BFAR: variants seen among roughly 807,000 people sequenced by gnomAD.
The protein encoded by BFAR is bifunctional apoptosis regulator.
Under a neutral mutation model 54.4 loss-of-function variants are expected in BFAR, and 52 were observed. The observed-to-expected ratio is 0.96, with a 90% CI of 0.77 to 1.21. BFAR has a LOEUF of 1.21. Ranked by LOEUF, BFAR falls within the 50% of genes most tolerant of loss-of-function variation. The pLI is 0.00. For missense variants in BFAR, 571 were observed against 534.0 expected, an observed-to-expected ratio of 1.07 and a Z score of -0.68; for synonymous variants, 215 against 204.3, an observed-to-expected ratio of 1.05 and a Z score of -0.45.
At chr16:14,638,499 G>T (rs765479362) in intron 1 of BFAR, among the ~76,000 whole-genome samples, 2 of 152,222 alleles carry the variant, frequency 1.3e-5, no homozygotes, top group Non-Finnish European at 2.9e-5. Flanking sequence ...ATAAATGTAT[G>T]TTGAGTGAAG....
At chr16:14,650,503 A>G (rs1959937954) in intron 4 of BFAR, 1 of 151,840 alleles carries the variant, frequency 6.6e-6, no homozygotes, top group Non-Finnish European at 1.5e-5. Context: ...TTTCTCCCCA[A>G]CCCCCAGCCC....
chr16:14,654,113 G>A lies in BFAR; in HGVS notation c.639-953G>A, dbSNP rs537117345. Among the ~76,000 whole-genome samples, 150 of 146,784 alleles carry A rather than the reference G, an allele frequency of 1.0e-3. 1 individual carries two copies. Among genetic ancestry groups the A allele is most frequent in the African/African-American group, 3.4e-3 (136 of 39,444 alleles). ...TGCAAGCTCCGCCTTCCGGGTTCACGCCATTCTTCTGCCTCAGCCTCCCGA... is the reference window on the plus strand; with the variant it reads ...TGCAAGCTCCGCCTTCCGGGTTCACACCATTCTTCTGCCTCAGCCTCCCGA... On this transcript the variant is annotated intron_variant, in intron 4 of 7. Transcript: ENST00000261658.
rs779434663 is a variant in BFAR at position 14,667,806 on chromosome 16, G to A, written c.1332G>A (p.Arg444=). The change falls in exon 8 of 8, where the codon CGG becomes CGA. Residue 444 remains arginine (R), a synonymous_variant. Transcript: ENST00000261658. The stretch of plus-strand genomic sequence containing the variant: ...ATCTTGTGGTCAAGGAACTCCGGCG[G>A]CTGGAAACCCAGGTGTTGTGACTGG... ...NIDLVVKELR[R]LETQVL is the part of the protein sequence containing the mutation. 1 of 1,614,166 alleles carries A rather than the reference G, an allele frequency of 6.2e-7. No individual in the cohort carries two copies. Among genetic ancestry groups the A allele is most frequent in the Non-Finnish European group, 8.5e-7 (1 of 1,180,020 alleles).
Position 14,667,645 on chromosome 16 carries a change from CAG to C in BFAR, c.1174_1175del (p.Arg392AspfsTer38). The C allele has an allele frequency of 6.2e-7, 1 of 1,613,922 alleles. No homozygotes were observed. Among genetic ancestry groups the C allele is most frequent in the Non-Finnish European group, 8.5e-7 (1 of 1,179,940 alleles). ...CTCTTCTTGTTTCAGGACCGTGCCTCAGAGGATGTGGAGCCATTTCTGGAAAG... is the reference window on the plus strand; with the variant it reads ...CTCTTCTTGTTTCAGGACCGTGCCTCAGGATGTGGAGCCATTTCTGGAAAG... ...WSRSELKTVP[Q>X]RMWSHFWKVS... On this transcript the variant is annotated frameshift_variant, in exon 8 of 8. Coordinates refer to ENST00000261658, the MANE Select transcript of BFAR (RefSeq NM_016561.3). LOFTEE classifies it high-confidence loss of function.
In BFAR at chr16:14,643,177, A is replaced by G. The variant is rs1054430090; in HGVS notation, c.-73-1097A>G. 4.6e-5 allele frequency among the ~76,000 whole-genome samples: 7 copies of G among 152,014 alleles called. No homozygotes were observed. The East Asian group carries it at 7.7e-4, about 17-fold the overall frequency. On this transcript the variant is annotated intron_variant, in intron 1 of 7. Transcript: ENST00000261658. ...AAAATACAAAAATTAGCTGGGCCCA[A>G]TGGCACGCACCTGTAATCCCAGCTA...
intron 2 of BFAR, among the ~76,000 whole-genome samples, chr16:14,647,697 T>C (rs1385231025): frequency 6.7e-6 from 1 of 149,436 alleles, no homozygotes; most frequent in East Asian, 2.0e-4. Context: ...AAAAAACAAG[T>C]GCCAATAGAA....
intron 2 of BFAR, among the ~76,000 whole-genome samples, chr16:14,644,858 G>A (rs542726986): frequency 6.6e-6 from 1 of 152,172 alleles, no homozygotes; most frequent in East Asian, 1.9e-4. Context: ...CGCACACTTG[G>A]AGCCCACCTC....
rs911781899 is a variant in BFAR, at chr16:14,654,253, T to C, written c.639-813T>C. Among the ~76,000 whole-genome samples the C allele has an allele frequency of 1.0e-3, 154 of 151,952 alleles. 1 individual carries two copies. The highest frequency in any genetic ancestry group is 3.4e-3 in the African/African-American group (140 of 41,464). On this transcript the variant is annotated intron_variant, in intron 4 of 7. Transcript: ENST00000261658. ...GTCTTGATCTCCTGACCTCGTGATC[T>C]GCCCGCCTCGGCCTCCCAAAGTGCG...
intron 3 of BFAR, among the ~76,000 whole-genome samples, chr16:14,648,971 C>T (rs1252877185): frequency 6.6e-6 from 1 of 151,750 alleles, no homozygotes; most frequent in African/African-American, 2.4e-5. Context: ...GAACTAAAAC[C>T]AGCTGTGGTG....
chr16:14,663,131 C>G (rs368238340), intron 6 of BFAR, among the ~76,000 whole-genome samples: 9 of 152,348 alleles, frequency 5.9e-5, no homozygotes, highest in African/African-American at 1.9e-4. Context: ...GGCTGTCTGC[C>G]TGTGGATTTC....
At chr16:14,647,503 C>A (rs1419221552) in intron 2 of BFAR, among the ~76,000 whole-genome samples, 4 of 151,908 alleles carry the variant, frequency 2.6e-5, no homozygotes, top group African/African-American at 9.7e-5. Flanking sequence ...TCAAGACCAG[C>A]CTAGCCAACA....
chr16:14,633,292 G>C (rs972406284), intron 1 of BFAR: 3 of 152,386 alleles, frequency 2.0e-5, no homozygotes, highest in African/African-American at 4.8e-5. Flanking sequence ...TCCTTTCGGG[G>C]GTCAGGGTCA....
chr16:14,649,573 C>T (rs1959904714), intron 3 of BFAR, among the ~76,000 whole-genome samples: 2 of 152,218 alleles, frequency 1.3e-5, no homozygotes, highest in Admixed American at 1.3e-4. Flanking sequence ...TTTCTCGCCT[C>T]TGTGCCCTCA....
At position 14,668,261 on chromosome 16, in the gene BFAR, A is replaced by C. The variant is rs1960499739; in HGVS notation, c.*434A>C. 5.8e-6 allele frequency: 1 copy of C among 172,634 alleles called. No individual in the cohort carries two copies. Among genetic ancestry groups the C allele is most frequent in the Non-Finnish European group, 1.2e-5 (1 of 81,506 alleles). The allele number at this position is 172,634 out of a possible 1,614,324, so 10.7% of individuals were successfully genotyped here. On this transcript the variant is annotated 3_prime_UTR_variant, in exon 8 of 8. Transcript: ENST00000261658. ...TTATTGGGGCCTGGCCTGTCCTCTA[A>C]GTCAAGTTTAGGAAAACAAGGATAA...
At chr16:14,656,628 G>C (rs1314604577) in intron 5 of BFAR, among the ~76,000 whole-genome samples, 1 of 152,084 alleles carries the variant, frequency 6.6e-6, no homozygotes, top group Non-Finnish European at 1.5e-5. Context: ...GAGGGTCATT[G>C]TGAGACTCCA....
intron 1 of BFAR, among the ~76,000 whole-genome samples, chr16:14,636,537 C>T (rs887404106): frequency 3.3e-5 from 5 of 152,218 alleles, no homozygotes; most frequent in African/African-American, 7.2e-5. Context: ...GGCGGTTTTC[C>T]CCTATCTCAG....
intron 5 of BFAR, among the ~76,000 whole-genome samples, chr16:14,658,915 T>A (rs1960203711): frequency 6.6e-6 from 1 of 152,032 alleles, no homozygotes; most frequent in African/African-American, 2.4e-5. Flanking sequence ...ATGATTTTTT[T>A]TTTTTTTCTG....
At chr16:14,647,856 A>T (rs1959847022) in intron 2 of BFAR, among the ~76,000 whole-genome samples, 1 of 152,220 alleles carries the variant, frequency 6.6e-6, no homozygotes, top group Non-Finnish European at 1.5e-5. Flanking sequence ...ACTTCATTGT[A>T]TGAATATACC....
chr16:14,664,836 A>C (rs367892454), intron 6 of BFAR, 33 bp from the exon 7 acceptor site: 165 of 1,578,988 alleles, frequency 1.0e-4, no homozygotes, highest in Non-Finnish European at 1.4e-4. Flanking sequence ...GTCAGTCCTC[A>C]TGACTTTTTG....
Sources: allele counts gnomAD v4.1 joint callset (sites outside exome capture counted in the v4.1 genomes callset), GRCh38; gene constraint gnomAD v4.1.1; transcripts MANE v1.5; gene names NCBI Gene and HGNC (gene_info 2026-07-23, HGNC 2026-07-21).